The following TSPAN18 variants were observed in gnomAD, a reference collection of about 807,000 sequenced individuals.
The protein encoded by TSPAN18 is tetraspanin-18.
A neutral mutation model predicts 27.3 loss-of-function variants in TSPAN18; 14 were observed. That is an observed-to-expected ratio of 0.51 (90% CI 0.34 to 0.80). The LOEUF (loss-of-function observed/expected upper bound fraction) is 0.80, where lower values mean the gene tolerates loss of function less well. Among genes scored for constraint, TSPAN18 ranks in the 30% least tolerant of loss-of-function variants. The pLI, the probability that TSPAN18 is intolerant of heterozygous loss-of-function variation, is 0.01. For synonymous variants in TSPAN18, 143 were observed against 136.5 expected (o/e 1.05, Z -0.33); for missense variants, 268 against 323.9 (o/e 0.83, Z 1.32).
chr11:44,805,789 G>A (rs1206506017), intron 2 of TSPAN18, among the ~76,000 whole-genome samples: 1 of 152,066 alleles, frequency 6.6e-6, no homozygotes, highest in African/African-American at 2.4e-5. Context: ...AGCTTCTGTG[G>A]GTTGCTGGCA....
rs187120753 is a variant in TSPAN18 at position 44,914,000 on chromosome 11, G to A, written c.259-3972G>A. Among the ~76,000 whole-genome samples, 4 of 152,376 alleles carry A rather than the reference G, an allele frequency of 2.6e-5. No homozygotes were observed. In the East Asian group the frequency reaches 7.7e-4, roughly 29 times the overall value. On this transcript the variant is annotated intron_variant, in intron 5 of 9. Coordinates refer to ENST00000520358, the MANE Select transcript of TSPAN18 (RefSeq NM_130783.5). The stretch of plus-strand genomic sequence containing the variant: ...CATTGTGACTGCCATGGGCACCTCA[G>A]CCTTGCACTTTGGTTCACAGGATTC...
intron 1 of TSPAN18, among the ~76,000 whole-genome samples, chr11:44,759,876 C>T (rs543691320): frequency 6.6e-6 from 1 of 152,228 alleles, no homozygotes; most frequent in South Asian, 2.1e-4. Flanking sequence ...GTGATGTGAG[C>T]CCGGAGAACA....
At chr11:44,850,042 A>G (rs1432008045) in intron 2 of TSPAN18, among the ~76,000 whole-genome samples, 1 of 152,126 alleles carries the variant, frequency 6.6e-6, no homozygotes, top group Non-Finnish European at 1.5e-5. Context: ...GAGATGGACT[A>G]CGTGACCCCT....
At chr11:44,855,202 G>A (rs183266336) in intron 2 of TSPAN18, among the ~76,000 whole-genome samples, 12 of 151,630 alleles carry the variant, frequency 7.9e-5, no homozygotes, top group East Asian at 3.9e-4. Context: ...CATTTATAGC[G>A]TGGGTTTAAT....
chr11:44,802,035 C>T (rs1217413958), intron 2 of TSPAN18, among the ~76,000 whole-genome samples: 1 of 152,058 alleles, frequency 6.6e-6, no homozygotes, highest in African/African-American at 2.4e-5. Flanking sequence ...TTGTCTCGAA[C>T]ATAAAAAGAT....
chr11:44,866,321 A>G (rs773078278), intron 3 of TSPAN18, among the ~76,000 whole-genome samples: 32 of 152,320 alleles, frequency 2.1e-4, no homozygotes, highest in Admixed American at 1.1e-3. Flanking sequence ...AAGACATTCA[A>G]TCCCAATTAT....
At chr11:44,740,449 C>T (rs563384578) in intron 1 of TSPAN18, among the ~76,000 whole-genome samples, 60 of 152,310 alleles carry the variant, frequency 3.9e-4, no homozygotes, top group Middle Eastern at 6.8e-3. Context: ...TGTGAGAGGG[C>T]AGGGCCAGCC....
intron 2 of TSPAN18, among the ~76,000 whole-genome samples, chr11:44,855,801 C>A (rs529318104): frequency 6.6e-6 from 1 of 151,082 alleles, no homozygotes; most frequent in East Asian, 2.0e-4. Context: ...CCACCCCCCA[C>A]CATGCCCTGC....
At position 44,931,396 on chromosome 11, in the gene TSPAN18, T is replaced by C. The variant is rs1212770109; in HGVS notation, c.*2218T>C. 1.2e-5 allele frequency: 2 copies of C among 160,340 alleles called. No homozygotes were observed. Among genetic ancestry groups the C allele is most frequent in the Non-Finnish European group, 2.7e-5 (2 of 73,176 alleles). 9.9% of individuals were successfully genotyped at this position (160,340 alleles called of 1,614,324 possible). ...GGCAAATTGCACAGCTTTATGGCTCTAATCCAGGGGCATCCCAGGCTTCTG... is the reference window on the plus strand; with the variant it reads ...GGCAAATTGCACAGCTTTATGGCTCCAATCCAGGGGCATCCCAGGCTTCTG... On this transcript the variant is annotated 3_prime_UTR_variant, in exon 10 of 10. Coordinates refer to ENST00000520358, the MANE Select transcript of TSPAN18 (RefSeq NM_130783.5).
At chr11:44,797,008 C>G (rs1419839123) in intron 2 of TSPAN18, among the ~76,000 whole-genome samples, 1 of 152,134 alleles carries the variant, frequency 6.6e-6, no homozygotes, top group Non-Finnish European at 1.5e-5. Context: ...CACCCAACTT[C>G]AGGTATTACA....
chr11:44,831,768 A>G (rs1210149666), intron 2 of TSPAN18, among the ~76,000 whole-genome samples: 3 of 152,186 alleles, frequency 2.0e-5, no homozygotes, highest in African/African-American at 4.8e-5. Flanking sequence ...AGATGAATAC[A>G]TAACATGACG....
chr11:44,881,320 C>T (rs773386103), intron 3 of TSPAN18, among the ~76,000 whole-genome samples: 5 of 152,190 alleles, frequency 3.3e-5, no homozygotes, highest in Non-Finnish European at 7.3e-5. Context: ...GATGGAGGAG[C>T]TCCTTCCCAG....
At chr11:44,885,148 C>G (rs1317425404) in intron 3 of TSPAN18, among the ~76,000 whole-genome samples, 1 of 152,050 alleles carries the variant, frequency 6.6e-6, no homozygotes, top group Non-Finnish European at 1.5e-5. Context: ...AAAAAGTTAC[C>G]AACACCGCTC....
intron 2 of TSPAN18, among the ~76,000 whole-genome samples, chr11:44,810,233 C>T (rs901155130): frequency 1.3e-5 from 2 of 152,196 alleles, no homozygotes; most frequent in African/African-American, 2.4e-5. Flanking sequence ...CCACCACCTC[C>T]GTCAAGTTCC....
intron 3 of TSPAN18, among the ~76,000 whole-genome samples, chr11:44,864,885 C>G (rs554488267): frequency 2.2e-4 from 33 of 152,322 alleles, no homozygotes; most frequent in Admixed American, 2.0e-3. Context: ...GCCTGGCGGT[C>G]TCCTTGTGGG....
rs577369228 is a variant in TSPAN18, at chr11:44,828,565, C to T, written c.-152-31763C>T. 3.3e-5 allele frequency among the ~76,000 whole-genome samples: 5 copies of T among 152,290 alleles called. No individual in the cohort carries two copies. The East Asian group carries it at 7.7e-4, about 24-fold the overall frequency. On this transcript the variant is annotated intron_variant, in intron 2 of 9. Transcript: ENST00000520358. ...TGAGCTGAATGCATGAAGGTGAGCC[C>T]GCTTCTGTGGCTTCATCTGCCATTG...
At chr11:44,848,804 A>T (rs1030827430) in intron 2 of TSPAN18, among the ~76,000 whole-genome samples, 1 of 152,198 alleles carries the variant, frequency 6.6e-6, no homozygotes, top group Non-Finnish European at 1.5e-5. Context: ...ACAAAGGAAG[A>T]CAGCAGTGAG....
chr11:44,777,806 C>T (rs1024248432), intron 2 of TSPAN18, among the ~76,000 whole-genome samples: 2 of 152,098 alleles, frequency 1.3e-5, no homozygotes, highest in Admixed American at 1.3e-4. Context: ...GGAGGGTGTC[C>T]GGGTAGACGT....
intron 2 of TSPAN18, among the ~76,000 whole-genome samples, chr11:44,839,149 C>T (rs963232185): frequency 3.3e-5 from 5 of 152,198 alleles, no homozygotes; most frequent in Non-Finnish European, 4.4e-5. Flanking sequence ...AGTTTCCAAC[C>T]CGACTGTTTA....
Sources: allele counts gnomAD v4.1 joint callset (sites outside exome capture counted in the v4.1 genomes callset), GRCh38; gene constraint gnomAD v4.1.1; transcripts MANE v1.5; gene names NCBI Gene and HGNC (gene_info 2026-07-23, HGNC 2026-07-21).